The following CPPED1 variants were observed in gnomAD, a reference collection of about 807,000 sequenced individuals.
CPPED1 encodes the protein serine/threonine-protein phosphatase CPPED1.
A neutral mutation model predicts 28.0 loss-of-function variants in CPPED1; 28 were observed. The observed-to-expected ratio is 1.00, with a 90% CI of 0.74 to 1.37. The LOEUF is 1.37. Among genes scored for constraint, CPPED1 ranks in the 40% most tolerant of loss-of-function variants. The pLI is 0.00. For missense variants in CPPED1, 504 were observed against 416.5 expected (o/e 1.21, Z -1.83); for synonymous variants, 198 against 180.2 (o/e 1.10, Z -0.79).
At chr16:12,711,894 T>C (rs140784419) in intron 2 of CPPED1, among the ~76,000 whole-genome samples, 492 of 152,288 alleles carry the variant, frequency 3.2e-3, no homozygotes, top group Middle Eastern at 0.01. Context: ...CATACCTTCC[T>C]TTCCCCTCTT....
At position 12,709,710 on chromosome 16, in the gene CPPED1, T is replaced by A. The variant is rs1373934351; in HGVS notation, c.290-4661A>T. Among the ~76,000 whole-genome samples the A allele has an allele frequency of 6.6e-6, 1 of 152,066 alleles. No individual in the cohort carries two copies. The highest frequency in any genetic ancestry group is 6.6e-5 in the Admixed American group (1 of 15,250). ...AGAGAAATAAACATCCTTAACTGGA[T>A]AAAGGACATCTGTAAACAAGTATAG... is the stretch of plus-strand genomic sequence containing the variant. On this transcript the variant is annotated intron_variant, in intron 2 of 3. Coordinates refer to ENST00000381774, the MANE Select transcript of CPPED1 (RefSeq NM_018340.3). The surrounding 1 kb of genome is among the most constrained non-coding windows in gnomAD (Gnocchi z 4.4).
chr16:12,692,250 G>C (rs904354822), intron 3 of CPPED1, among the ~76,000 whole-genome samples: 5 of 152,182 alleles, frequency 3.3e-5, no homozygotes, highest in Non-Finnish European at 7.3e-5. Flanking sequence ...AGCCATCTCA[G>C]AGACAGGCTA....
chr16:12,679,371 C>CA (rs1402019737), intron 3 of CPPED1, among the ~76,000 whole-genome samples: 1 of 151,990 alleles, frequency 6.6e-6, no homozygotes, highest in African/African-American at 2.4e-5. Flanking sequence ...AAAACAAAAA[C>CA]AAAAACAATG....
intron 1 of CPPED1, among the ~76,000 whole-genome samples, chr16:12,798,179 T>C (rs10852359): frequency 0.28 from 42,878 of 152,164 alleles, 8,076 homozygotes; most frequent in African/African-American, 0.53. Context: ...GGAAATGTTA[T>C]AGTGCAAACT....
rs1491130459 is a variant in CPPED1, at chr16:12,744,297, A to AGAAAGC, written c.289+36887_289+36888insGCTTTC. Among the ~76,000 whole-genome samples, 10 of 130,268 alleles carry AGAAAGC rather than the reference A, an allele frequency of 7.7e-5. No individual in the cohort carries two copies. The South Asian group carries it at 1.1e-3, about 14-fold the overall frequency. 85.5% of individuals were successfully genotyped at this position (130,268 alleles called of 152,430 possible). A position where few individuals can be genotyped will look rare whatever the true frequency, so the allele number is the denominator to read the frequency against. On this transcript the variant is annotated intron_variant, in intron 2 of 3. Coordinates refer to ENST00000381774, the MANE Select transcript of CPPED1 (RefSeq NM_018340.3). ...GAGAGAGAGAGAGAGAGAGAGAGAG[A>AGAAAGC]AAGCAAGCAAGCAAGCAAGCAAGCA...
intron 3 of CPPED1, among the ~76,000 whole-genome samples, chr16:12,702,393 C>CT (rs1215900079): frequency 1.3e-5 from 2 of 152,074 alleles, no homozygotes; most frequent in African/African-American, 4.8e-5. Context: ...AAAAAATTAG[C>CT]TGGGCATGGT....
intron 3 of CPPED1, among the ~76,000 whole-genome samples, chr16:12,685,708 C>T (rs1175990693): frequency 6.6e-6 from 1 of 152,152 alleles, no homozygotes; most frequent in South Asian, 2.1e-4. Flanking sequence ...GGGCAATGTC[C>T]TCCTCAGGGA....
intron 2 of CPPED1, among the ~76,000 whole-genome samples, chr16:12,737,533 G>T (rs1211193037): frequency 6.6e-6 from 1 of 152,182 alleles, no homozygotes; most frequent in Non-Finnish European, 1.5e-5. Context: ...CCCCTGGAGG[G>T]TTTTAAGCAG....
intron 1 of CPPED1, among the ~76,000 whole-genome samples, chr16:12,794,040 T>C (rs147863084): frequency 2.3e-3 from 354 of 151,122 alleles, no homozygotes; most frequent in Non-Finnish European, 4.0e-3. Flanking sequence ...TTTCAGCAGT[T>C]TAAAAAAAAA....
intron 2 of CPPED1, among the ~76,000 whole-genome samples, chr16:12,729,235 C>G (rs1398046890): frequency 6.6e-6 from 1 of 152,098 alleles, no homozygotes; most frequent in East Asian, 1.9e-4. Context: ...ATACCCTAAC[C>G]AAAATAGTGA....
At chr16:12,742,775 G>T (rs1271764944) in intron 2 of CPPED1, among the ~76,000 whole-genome samples, 1 of 152,132 alleles carries the variant, frequency 6.6e-6, no homozygotes, top group African/African-American at 2.4e-5. Context: ...CCCCCAGATT[G>T]AACTGTTTGT....
intron 1 of CPPED1, among the ~76,000 whole-genome samples, chr16:12,801,092 T>G (rs2080656743): frequency 6.6e-6 from 1 of 152,092 alleles, no homozygotes. Context: ...TTCCTTTCGG[T>G]TTTTTTGTTT....
At chr16:12,710,435 T>C (rs531946894) in intron 2 of CPPED1, among the ~76,000 whole-genome samples, 1 of 150,704 alleles carries the variant, frequency 6.6e-6, no homozygotes, top group Non-Finnish European at 1.5e-5. Context: ...AATATAAAAT[T>C]TGATGTATTG....
intron 2 of CPPED1, among the ~76,000 whole-genome samples, chr16:12,744,033 T>C (rs1279009267): frequency 6.6e-6 from 1 of 151,832 alleles, no homozygotes; most frequent in African/African-American, 2.4e-5. Flanking sequence ...TCTCAGCACT[T>C]TGGGAGGCTG....
At chr16:12,694,268 G>A (rs1282407808) in intron 3 of CPPED1, among the ~76,000 whole-genome samples, 6 of 152,148 alleles carry the variant, frequency 3.9e-5, no homozygotes, top group African/African-American at 1.4e-4. Context: ...CAACCTCAGA[G>A]AAGAAACTTC....
rs8054178 is a variant in CPPED1 at position 12,717,101 on chromosome 16, T to G, written c.290-12052A>C. 3.3e-5 allele frequency among the ~76,000 whole-genome samples: 5 copies of G among 151,462 alleles called. No individual in the cohort carries two copies. In the East Asian group the frequency reaches 7.8e-4, roughly 24 times the overall value. ...ACCAAAGGTAATAGTAGGGTGAGGG[T>G]GGAGAGGTTTAAAAAAAAGACCAGG... On this transcript the variant is annotated intron_variant, in intron 2 of 3. Transcript: ENST00000381774.
intron 1 of CPPED1, among the ~76,000 whole-genome samples, chr16:12,802,168 G>C (rs527446892): frequency 6.6e-6 from 1 of 152,172 alleles, no homozygotes; most frequent in Non-Finnish European, 1.5e-5. Context: ...AAGGGAGAAA[G>C]GTTTGGAGAG....
rs1449525893 is a variant in CPPED1, at chr16:12,662,403, T to C, written c.*2483A>G. 6.6e-6 allele frequency: 1 copy of C among 152,194 alleles called. No homozygotes were observed. Among genetic ancestry groups the C allele is most frequent in the Non-Finnish European group, 1.5e-5 (1 of 68,028 alleles). 9.4% of individuals were successfully genotyped at this position (152,194 alleles called of 1,614,324 possible). A position where few individuals can be genotyped will look rare whatever the true frequency, so the allele number is the denominator to read the frequency against. ...CTTCCCTTTTAAAAAATTAAATTTGTATAAATATAAGGCGTACAAGTGCAG... is the reference window on the plus strand; with the variant it reads ...CTTCCCTTTTAAAAAATTAAATTTGCATAAATATAAGGCGTACAAGTGCAG... On this transcript the variant is annotated 3_prime_UTR_variant, in exon 4 of 4. Coordinates refer to ENST00000381774, the MANE Select transcript of CPPED1 (RefSeq NM_018340.3).
intron 1 of CPPED1, among the ~76,000 whole-genome samples, chr16:12,799,600 C>T (rs2080646993): frequency 6.6e-6 from 1 of 152,240 alleles, no homozygotes; most frequent in African/African-American, 2.4e-5. Flanking sequence ...AATCTACTGG[C>T]TTCCCAAGGA....
Sources: gnomAD v4.1 joint callset for allele counts (sites outside exome capture counted in the v4.1 genomes callset) on GRCh38, gnomAD v4.1.1 for gene constraint, Gnocchi (gnomAD v3.1) non-coding constraint, MANE v1.5 for transcripts, NCBI Gene and HGNC (gene_info 2026-07-23, HGNC 2026-07-21) for gene names.